Variants in PNPLA6 observed in about 807,000 individuals in gnomAD.
PNPLA6 encodes patatin like domain 6, lysophospholipase.
Under a neutral mutation model 153.7 loss-of-function variants are expected in PNPLA6, and 105 were observed. That is an observed-to-expected ratio of 0.68 (90% CI 0.58 to 0.80). PNPLA6 has a LOEUF of 0.80. PNPLA6 is among the 30% of genes least tolerant of loss of function. PNPLA6 has a pLI of 0.00. For synonymous variants in PNPLA6, 825 were observed against 822.2 expected, an observed-to-expected ratio of 1.00 and a Z score of -0.06; for missense variants, 1,423 against 1,919.3, an observed-to-expected ratio of 0.74 and a Z score of 4.83.
Position 7,561,495 on chromosome 19 carries a change from A to G in PNPLA6, c.4031A>G (p.Glu1344Gly). Residue 1344 changes from glutamate to glycine, a missense_variant, in exon 32 of 32, where the codon GAG (glutamate) becomes GGG (glycine). This residue lies in a region of PNPLA6 where 643 missense variants were observed against 835.2 expected (regional missense o/e 0.77). Transcript: ENST00000600737. ...SPSTASEMEE[E>G]KSILRQRRCL... ...TGTGACCTTCCCTCGCAGGAGGAGG[A>G]GAAGTCGATTCTCCGGCAACGACGC... The G allele has an allele frequency of 6.2e-7, 1 of 1,607,652 alleles. No individual in the cohort carries two copies. The highest frequency in any genetic ancestry group is 8.5e-7 in the Non-Finnish European group (1 of 1,177,634).
At chr19:7,550,180 C>G in intron 14 of PNPLA6, 68 bp downstream of exon 14, 2 of 1,605,718 alleles carry the variant, frequency 1.2e-6, no homozygotes, top group Non-Finnish European at 1.7e-6. Context: ...GTGGCCAGAA[C>G]CCCATCCCTC....
intron 28 of PNPLA6, 126 bp downstream of exon 28, chr19:7,559,277 G>C (rs1205562036): frequency 1.2e-6 from 1 of 824,234 alleles, no homozygotes; most frequent in Non-Finnish European, 2.1e-6. Context: ...GGAATCTCTG[G>C]AAAACAGATC....
In PNPLA6 at chr19:7,550,327, TGA is replaced by T; in HGVS notation, c.1846_1847del (p.Ser616CysfsTer51). 6.2e-7 allele frequency: 1 copy of T among 1,612,768 alleles called. No homozygotes were observed. The highest frequency in any genetic ancestry group is 8.5e-7 in the Non-Finnish European group (1 of 1,180,044). On this transcript the variant is annotated frameshift_variant, in exon 15 of 32. Coordinates refer to ENST00000600737, the MANE Select transcript of PNPLA6 (RefSeq NM_001166114.2). LOFTEE classifies it high-confidence loss of function. ...ATGCGCGCACAGCCCAGTGTGGTGC[TGA>T]GTGCGGCGCACACGGTGGCAGCCAG...
At chr19:7,548,330 C>T (rs1001929318) in intron 13 of PNPLA6, among the ~76,000 whole-genome samples, 4 of 150,110 alleles carry the variant, frequency 2.7e-5, no homozygotes, top group Non-Finnish European at 4.4e-5. Flanking sequence ...GGCAACAGAG[C>T]AAGACACCGT....
intron 29 of PNPLA6, 65 bp downstream of exon 29, chr19:7,560,829 A>T: frequency 8.8e-7 from 1 of 1,138,214 alleles, no homozygotes; most frequent in South Asian, 1.2e-5. Context: ...GCCCCCTTAA[A>T]GTCTCCCCGA....
At chr19:7,554,507 C>G (rs1282681079) in intron 20 of PNPLA6, 48 bp from the exon 21 acceptor site, 2 of 1,606,114 alleles carry the variant, frequency 1.2e-6, no homozygotes, top group Non-Finnish European at 1.7e-6. Flanking sequence ...GGGGAGCACA[C>G]TGACCCCAGG....
chr19:7,538,618 C>T (rs1346270416), intron 3 of PNPLA6, among the ~76,000 whole-genome samples: 1 of 152,146 alleles, frequency 6.6e-6, no homozygotes, highest in Admixed American at 6.6e-5. Context: ...GGGAAGGGCT[C>T]TCCCAGGTCC....
At position 7,536,290 on chromosome 19, in the gene PNPLA6, T is replaced by C. The variant is rs779124970; in HGVS notation, c.315+17T>C. 1.3e-6 allele frequency: 2 copies of C among 1,592,882 alleles called. No homozygotes were observed. The highest frequency in any genetic ancestry group is 1.7e-6 in the Non-Finnish European group (2 of 1,160,752). On this transcript the variant is annotated intron_variant, in intron 2 of 31. Transcript: ENST00000600737. Reference sequence around the variant, plus strand: ...ATGCGGAAGGTGAGTCCGGGACCCCTGGGGTCCGCCCTGACCACACAGAGG... The same window carrying C: ...ATGCGGAAGGTGAGTCCGGGACCCCCGGGGTCCGCCCTGACCACACAGAGG...
chr19:7,541,370 T>C lies in PNPLA6; in HGVS notation c.941T>C (p.Leu314Pro). The stretch of plus-strand genomic sequence containing the variant: ...GCCCTGCAGATCATCATGGTGCGGC[T>C]GCAGCGAGTCACCTTCCTGGCACTG... ...VRVVQIIMVR[L>P]QRVTFLALHN... The change falls in exon 8 of 32, where the codon CTG (leucine) becomes CCG (proline). Residue 314 changes from leucine (L) to proline (P), a missense_variant. Leu to Pro is a moderately conservative substitution (Grantham distance 98, BLOSUM62 -3). Coordinates refer to ENST00000600737, the MANE Select transcript of PNPLA6 (RefSeq NM_001166114.2). This position sits in a 1 kb window ranked among gnomAD's most constrained non-coding sequence, Gnocchi z 5.2. The C allele has an allele frequency of 6.2e-7, 1 of 1,613,882 alleles. No individual in the cohort carries two copies. Among genetic ancestry groups the C allele is most frequent in the Non-Finnish European group, 8.5e-7 (1 of 1,179,918 alleles).
In PNPLA6 at chr19:7,561,559, C is replaced by A. The variant is rs12983821; in HGVS notation, c.4095C>A (p.Ala1365=). 1 of 1,598,202 alleles carries A rather than the reference C, an allele frequency of 6.3e-7. No homozygotes were observed. The highest frequency in any genetic ancestry group is 1.1e-5 in the South Asian group (1 of 88,756). Residue 1365 remains alanine, a synonymous_variant, in exon 32 of 32, where the codon GCC becomes GCA. Transcript: ENST00000600737. ...AGCCGCCCGGCTCAGCCACAGATGC[C>A]TGAGGACCTCGACAGGGGTCACCCC... The part of the protein sequence containing the change: ...PQEPPGSATD[A]
At position 7,540,284 on chromosome 19, in the gene PNPLA6, G is replaced by C. The variant is rs1178830732; in HGVS notation, c.690G>C (p.Leu230=). Residue 230 remains leucine (L), a synonymous_variant, in exon 5 of 32, where the codon CTG becomes CTC. Transcript: ENST00000600737. This position sits in a 1 kb window ranked among gnomAD's most constrained non-coding sequence, Gnocchi z 6.8. ...DASIYVVQDG[L]LELCLPGPDG... ...GCATCTACGTGGTGCAGGACGGGCT[G>C]CTGGAGCTCTGTCTGCCAGGGCCTG... 1 of 1,606,936 alleles carries C rather than the reference G, an allele frequency of 6.2e-7. No individual in the cohort carries two copies. The highest frequency in any genetic ancestry group is 8.5e-7 in the Non-Finnish European group (1 of 1,179,084).
At chr19:7,535,618 G>T (rs74956393), upstream of PNPLA6, 36 of 1,587,942 alleles carry the variant, frequency 2.3e-5, no homozygotes, top group East Asian at 1.6e-4. The surrounding 1 kb of genome is among the most constrained non-coding windows in gnomAD (Gnocchi z 5.0). Context: ...CCGGCGTGGG[G>T]CGCCAAGAGG....
chr19:7,539,768 AAAAAAAAAAAAAGGTGGCCAGCCTG>A (rs2023040231), intron 3 of PNPLA6, 125 bp from the exon 4 acceptor site: 1 of 607,216 alleles, frequency 1.6e-6, no homozygotes, highest in African/African-American at 1.9e-5. Flanking sequence ...AAAAAAAAAA[AAAAAAAAAAAAAGGTGGCCAGCCTG>A]ATTTGGCCAG....
chr19:7,556,991 C>T (rs1235702614), intron 26 of PNPLA6, 177 bp from the exon 27 acceptor site: 51 of 740,802 alleles, frequency 6.9e-5, no homozygotes, highest in Non-Finnish European at 9.7e-6. Context: ...ACGTCCGGGC[C>T]AGCGCCTCCT....
In PNPLA6 at chr19:7,542,592, C is replaced by T. The variant is rs1455609953; in HGVS notation, c.1284C>T (p.Asp428=). The T allele has an allele frequency of 6.2e-7, 1 of 1,613,788 alleles. No homozygotes were observed. The highest frequency in any genetic ancestry group is 2.2e-5 in the East Asian group (1 of 44,880). The change falls in exon 11 of 32, where the codon GAC becomes GAT. Residue 428 remains aspartate (D), a synonymous_variant. Coordinates refer to ENST00000600737, the MANE Select transcript of PNPLA6 (RefSeq NM_001166114.2). ...AGGGTGGCCCCCGCTCCGACTTCGA[C>T]ATGGCCTATGAGCGTGGCCGGATCT... ...GLQGGPRSDF[D]MAYERGRISV...
chr19:7,556,713 T>C lies in PNPLA6; in HGVS notation c.3269T>C (p.Val1090Ala), dbSNP rs754429587. 1.2e-6 allele frequency: 2 copies of C among 1,612,920 alleles called. No individual in the cohort carries two copies. The highest frequency in any genetic ancestry group is 1.7e-6 in the Non-Finnish European group (2 of 1,179,082). ...GATATCACCGCCTCAGCCATGCGAG[T>C]CCACAAAGATGGTGGGTGTCCCCGC... ...TTDITASAMR[V>A]HKDGSLWRYV... Residue 1090 changes from valine to alanine, a missense_variant, in exon 26 of 32, where the codon GTC becomes GCC. By Grantham distance (64) the Val-to-Ala change is moderately conservative. Around this residue, in one of 10 missense-constraint regions of PNPLA6, gnomAD observed 643 missense variants for 835.2 expected, o/e 0.77. Coordinates refer to ENST00000600737, the MANE Select transcript of PNPLA6 (RefSeq NM_001166114.2).
intron 13 of PNPLA6, among the ~76,000 whole-genome samples, chr19:7,544,547 C>G (rs1370608515): frequency 6.6e-6 from 1 of 152,124 alleles, no homozygotes; most frequent in Admixed American, 6.6e-5. Flanking sequence ...GTGGGGTTTG[C>G]AAGAGTGACA....
intron 28 of PNPLA6, among the ~76,000 whole-genome samples, chr19:7,559,902 G>A (rs1172092119): frequency 3.3e-5 from 5 of 151,404 alleles, no homozygotes; most frequent in South Asian, 2.1e-4. Flanking sequence ...CATTTTGGGA[G>A]GCCGAGGTGG....
At position 7,537,340 on chromosome 19, in the gene PNPLA6, C is replaced by T. The variant is rs150128346; in HGVS notation, c.413+794C>T. On this transcript the variant is annotated intron_variant, in intron 3 of 31. Transcript: ENST00000600737. ...CTCTGTACATCAGAAGGCATCTTTC[C>T]TATGTTATGGACCTTGAAGTTCTTC... Among the ~76,000 whole-genome samples the T allele has an allele frequency of 6.3e-4, 96 of 152,286 alleles. 1 individual carries two copies. Among genetic ancestry groups the T allele is most frequent in the Non-Finnish European group, 1.2e-3 (83 of 68,010 alleles).
Sources: allele counts gnomAD v4.1 joint callset (sites outside exome capture counted in the v4.1 genomes callset), GRCh38; gene constraint gnomAD v4.1.1; regional missense constraint gnomAD v4.1.1; non-coding constraint Gnocchi (gnomAD v3.1); transcripts MANE v1.5; gene names NCBI Gene and HGNC (gene_info 2026-07-23, HGNC 2026-07-21).